The following CTNNA2 variants were observed in gnomAD, a reference collection of about 807,000 sequenced individuals.
CTNNA2 encodes the protein catenin alpha-2.
CTNNA2 carries 42 observed loss-of-function variants against 101.0 expected under a neutral mutation model. That is an observed-to-expected ratio of 0.42 (90% confidence interval 0.32 to 0.54). The LOEUF is 0.54. CTNNA2 is among the 20% of genes least tolerant of loss of function. The pLI is 0.14. For synonymous variants in CTNNA2, 450 were observed against 456.4 expected (o/e 0.99, Z 0.18); for missense variants, 871 against 1,223.1 (o/e 0.71, Z 4.29).
At chr2:80,326,868 G>C (rs1346688319) in intron 7 of CTNNA2, among the ~76,000 whole-genome samples, 2 of 152,030 alleles carry the variant, frequency 1.3e-5, no homozygotes, top group Non-Finnish European at 2.9e-5. Context: ...TCTCTCTGCT[G>C]TCTCTTCTCT....
At chr2:79,609,110 A>G (rs149674512) in intron 1 of CTNNA2, among the ~76,000 whole-genome samples, 3 of 152,148 alleles carry the variant, frequency 2.0e-5, no homozygotes, top group Non-Finnish European at 4.4e-5. Context: ...CATATGAGTT[A>G]CTTAGAGGTA....
chr2:80,371,520 A>T (rs1573870919), intron 7 of CTNNA2, among the ~76,000 whole-genome samples: 1 of 151,758 alleles, frequency 6.6e-6, no homozygotes, highest in Non-Finnish European at 1.5e-5. Context: ...ACACACACAC[A>T]CACAAAGGAA....
At chr2:79,282,491 A>G (rs1266537412) in intron 2 of CTNNA2, among the ~76,000 whole-genome samples, 1 of 151,272 alleles carries the variant, frequency 6.6e-6, no homozygotes, top group Non-Finnish European at 1.5e-5. Flanking sequence ...CCCACCTATG[A>G]GTGAGAATAT....
chr2:80,628,104 A>C (rs1052943244), intron 18 of CTNNA2, among the ~76,000 whole-genome samples: 5 of 152,176 alleles, frequency 3.3e-5, no homozygotes, highest in East Asian at 3.9e-4. Flanking sequence ...CTGCTCAAGG[A>C]AACAAGAGAG....
intron 2 of CTNNA2, among the ~76,000 whole-genome samples, chr2:79,692,075 A>C (rs1285301009): frequency 6.6e-6 from 1 of 152,184 alleles, no homozygotes; most frequent in Non-Finnish European, 1.5e-5. Context: ...CTATCACCAG[A>C]GTGAACAGGC....
Position 79,416,869 on chromosome 2 carries a change from T to C in CTNNA2, c.-135+42856T>C, listed in dbSNP as rs1409495222. 5.9e-5 allele frequency among the ~76,000 whole-genome samples: 9 copies of C among 152,220 alleles called. No homozygotes were observed. The South Asian group carries it at 8.3e-4, about 14-fold the overall frequency. On this transcript the variant is annotated intron_variant, in intron 4 of 21. Coordinates refer to the CTNNA2 transcript ENST00000466387. ...AGATGAGCCAATTTCTTCTAACACA[T>C]AACTTCTTACAGGATCTTCCCCTCT...
intron 7 of CTNNA2, among the ~76,000 whole-genome samples, chr2:80,108,956 T>G (rs1183501858): frequency 6.6e-6 from 1 of 152,108 alleles, no homozygotes; most frequent in Non-Finnish European, 1.5e-5. Flanking sequence ...GGGCTTAGGA[T>G]TCATGTGTGA....
intron 2 of CTNNA2, among the ~76,000 whole-genome samples, chr2:79,252,535 T>A (rs1481080222): frequency 6.6e-6 from 1 of 152,158 alleles, no homozygotes; most frequent in African/African-American, 2.4e-5. Context: ...TAACTTGATT[T>A]TTCCCTTCAC....
chr2:80,593,020 C>T (rs1354558200), intron 15 of CTNNA2, among the ~76,000 whole-genome samples: 1 of 152,060 alleles, frequency 6.6e-6, no homozygotes, highest in Non-Finnish European at 1.5e-5. Flanking sequence ...TACCTATGTC[C>T]TAAAGAGAGA....
rs1394607301 is a variant in CTNNA2, at chr2:79,552,929, CT to C, written c.-6+39726del. Among the ~76,000 whole-genome samples the C allele has an allele frequency of 2.0e-5, 3 of 152,214 alleles. No homozygotes were observed. The East Asian group carries it at 5.8e-4, about 29-fold the overall frequency. On this transcript the variant is annotated intron_variant, in intron 1 of 18. Coordinates refer to ENST00000402739, the MANE Select transcript of CTNNA2 (RefSeq NM_001282597.3). Reference sequence around the variant, plus strand: ...AAAGTCTTTGAAATTCCTTCAAGGACTTTTCCCCATTATCTTGGCTATCAAC... The same window carrying C: ...AAAGTCTTTGAAATTCCTTCAAGGACTTTCCCCATTATCTTGGCTATCAAC...
intron 4 of CTNNA2, among the ~76,000 whole-genome samples, chr2:79,438,691 C>T (rs1678745788): frequency 6.6e-6 from 1 of 152,164 alleles, no homozygotes; most frequent in Non-Finnish European, 1.5e-5. Flanking sequence ...ATATATGTGA[C>T]TGTGTAGTCT....
At chr2:79,805,667 GTGGCTCA>G (rs1676515484) in intron 3 of CTNNA2, among the ~76,000 whole-genome samples, 1 of 152,196 alleles carries the variant, frequency 6.6e-6, no homozygotes, top group Non-Finnish European at 1.5e-5. Flanking sequence ...GCTGGGCACG[GTGGCTCA>G]TGCCTGTAAT....
intron 2 of CTNNA2, among the ~76,000 whole-genome samples, chr2:79,657,006 T>G (rs1377819262): frequency 6.6e-6 from 1 of 151,482 alleles, no homozygotes; most frequent in Non-Finnish European, 1.5e-5. Flanking sequence ...TTTAGATAGC[T>G]TTGAAGAAAG....
At chr2:79,910,476 T>C (rs1465100233) in intron 7 of CTNNA2, among the ~76,000 whole-genome samples, 1 of 152,210 alleles carries the variant, frequency 6.6e-6, no homozygotes, top group African/African-American at 2.4e-5. Context: ...ACTCATATTC[T>C]TTGCCTTGAA....
chr2:79,261,681 C>A (rs1674923857), intron 2 of CTNNA2, among the ~76,000 whole-genome samples: 2 of 152,302 alleles, frequency 1.3e-5, no homozygotes, highest in African/African-American at 4.8e-5. Flanking sequence ...GACACCAGAT[C>A]TTTTGGATTA....
intron 7 of CTNNA2, among the ~76,000 whole-genome samples, chr2:80,233,036 C>T (rs1573467141): frequency 1.3e-5 from 2 of 152,070 alleles, no homozygotes; most frequent in African/African-American, 4.8e-5. Context: ...GTGACTGTTG[C>T]CTGTCAGATA....
intron 18 of CTNNA2, among the ~76,000 whole-genome samples, chr2:80,634,117 G>A (rs1271508978): frequency 3.9e-5 from 6 of 152,000 alleles, no homozygotes; most frequent in East Asian, 1.9e-4. Context: ...TCAACATCTC[G>A]GCAAATATTT....
At chr2:79,207,497 A>G (rs184366792) in intron 2 of CTNNA2, among the ~76,000 whole-genome samples, 214 of 152,320 alleles carry the variant, frequency 1.4e-3, no homozygotes, top group African/African-American at 4.9e-3. Context: ...GTGGGCCCTC[A>G]TTTAAATCTG....
At chr2:79,376,277 G>T (rs927792939) in intron 4 of CTNNA2, among the ~76,000 whole-genome samples, 7 of 152,074 alleles carry the variant, frequency 4.6e-5, no homozygotes, top group Non-Finnish European at 7.4e-5. Flanking sequence ...GAAATGAGTA[G>T]GAAACAGCAA....
Sources: gnomAD v4.1 joint callset for allele counts (sites outside exome capture counted in the v4.1 genomes callset) on GRCh38, gnomAD v4.1.1 for gene constraint, MANE v1.5 for transcripts, NCBI Gene and HGNC (gene_info 2026-07-23, HGNC 2026-07-21) for gene names.